MFHAS1: variants seen among roughly 807,000 people sequenced by gnomAD.
MFHAS1 encodes the protein malignant fibrous histiocytoma-amplified sequence 1.
In MFHAS1, 50 loss-of-function variants were observed where a neutral mutation model predicts 70.4. That is an observed-to-expected ratio of 0.71 (90% CI 0.57 to 0.90). The LOEUF (loss-of-function observed/expected upper bound fraction) is 0.90. Among genes scored for constraint, MFHAS1 ranks in the 40% least tolerant of loss-of-function variants. The pLI, the probability that MFHAS1 is intolerant of heterozygous loss-of-function variation, is 0.00. For missense variants in MFHAS1, 1,795 were observed against 1,347.6 expected (o/e 1.33, Z -5.20); for synonymous variants, 952 against 620.0 (o/e 1.54, Z -7.96).
intron 1 of MFHAS1, among the ~76,000 whole-genome samples, chr8:8,838,057 A>C (rs769196251): frequency 1.3e-5 from 2 of 152,242 alleles, no homozygotes; most frequent in African/African-American, 2.4e-5. Flanking sequence ...TGAATGGATA[A>C]ATAAACCGGC....
chr8:8,847,656 C>T (rs915328738), intron 1 of MFHAS1, among the ~76,000 whole-genome samples: 2 of 152,214 alleles, frequency 1.3e-5, no homozygotes, highest in Non-Finnish European at 2.9e-5. Context: ...CTGATGAAGA[C>T]ATCTCATGAC....
intron 1 of MFHAS1, among the ~76,000 whole-genome samples, chr8:8,886,675 T>A (rs957573443): frequency 9.2e-5 from 14 of 152,222 alleles, no homozygotes; most frequent in African/African-American, 3.4e-4. Context: ...ATTTACTATT[T>A]ACTTTTACTG....
intron 1 of MFHAS1, among the ~76,000 whole-genome samples, chr8:8,874,076 T>A (rs1276064759): frequency 6.6e-6 from 1 of 152,156 alleles, no homozygotes; most frequent in Non-Finnish European, 1.5e-5. Context: ...CCCTCGAGGC[T>A]TTTTTTAGGT....
At chr8:8,855,658 C>T (rs1808410962) in intron 1 of MFHAS1, among the ~76,000 whole-genome samples, 2 of 152,078 alleles carry the variant, frequency 1.3e-5, no homozygotes, top group Admixed American at 6.6e-5. Flanking sequence ...AAGTTCAAGA[C>T]CAGCCTGGCC....
At position 8,817,759 on chromosome 8, in the gene MFHAS1, A is replaced by G. The variant is rs141928942; in HGVS notation, c.2999-20268T>C. ...GTTCCACTTCAGATCATTAGGCATTAGATTCTCATAAGGAGTGCACGGATC... is the reference window on the plus strand; with the variant it reads ...GTTCCACTTCAGATCATTAGGCATTGGATTCTCATAAGGAGTGCACGGATC... On this transcript the variant is annotated intron_variant, in intron 1 of 2. Transcript: ENST00000276282. Among the ~76,000 whole-genome samples, 134 of 152,360 alleles carry G rather than the reference A, an allele frequency of 8.8e-4. 1 individual carries two copies. The highest frequency in any genetic ancestry group is 7.3e-3 in the Admixed American group (112 of 15,304).
At chr8:8,828,136 T>C (rs4841051) in intron 1 of MFHAS1, among the ~76,000 whole-genome samples, 78,646 of 151,982 alleles carry the variant, frequency 0.52, 21,035 homozygotes, top group East Asian at 0.85. Flanking sequence ...CCTTCGAGAA[T>C]GTTTCAGTGA....
At chr8:8,818,446 A>G (rs1463005182) in intron 1 of MFHAS1, among the ~76,000 whole-genome samples, 1 of 152,204 alleles carries the variant, frequency 6.6e-6, no homozygotes, top group Non-Finnish European at 1.5e-5. Flanking sequence ...AGAGAAGGAG[A>G]AGGACTGTAA....
chr8:8,889,678 G>T (rs1178646128), intron 1 of MFHAS1, among the ~76,000 whole-genome samples: 1 of 152,212 alleles, frequency 6.6e-6, no homozygotes, highest in African/African-American at 2.4e-5. Context: ...TTTGAGACGT[G>T]TCTAATGAAC....
Position 8,786,053 on chromosome 8 carries a change from T to G in MFHAS1, c.3128A>C (p.Lys1043Thr), listed in dbSNP as rs754839942. The G allele has an allele frequency of 1.2e-6, 2 of 1,614,028 alleles. No individual in the cohort carries two copies. The highest frequency in any genetic ancestry group is 1.7e-6 in the Non-Finnish European group (2 of 1,179,938). Residue 1043 changes from lysine to threonine, a missense_variant and splice_region_variant, in exon 3 of 3, where the codon AAG (lysine) becomes ACG (threonine). Transcript: ENST00000276282. ...TPTVISPCSK[K>T]NVGEKHRNQ ...GTTTCTGTGCTTTTCACCAACATTCTTCCTGTATGGGTGGACAACAAGAAA... is the reference window on the plus strand; with the variant it reads ...GTTTCTGTGCTTTTCACCAACATTCGTCCTGTATGGGTGGACAACAAGAAA...
chr8:8,792,872 G>A (rs963880616), intron 2 of MFHAS1, among the ~76,000 whole-genome samples: 1 of 152,142 alleles, frequency 6.6e-6, no homozygotes, highest in Admixed American at 6.5e-5. Flanking sequence ...CCTTGAGGAG[G>A]CCAGAATTTT....
chr8:8,871,350 G>C lies in MFHAS1; in HGVS notation c.2998+18711C>G, dbSNP rs553781725. Among the ~76,000 whole-genome samples the C allele has an allele frequency of 7.9e-5, 12 of 152,290 alleles. No homozygotes were observed. The South Asian group carries it at 2.5e-3, about 32-fold the overall frequency. ...GGATCACTTGAGGTCGGGAGTTTGA[G>C]ACCACCCTCGCCAACTTGGTGAAAC... On this transcript the variant is annotated intron_variant, in intron 1 of 2. Coordinates refer to ENST00000276282, the MANE Select transcript of MFHAS1 (RefSeq NM_004225.3).
intron 1 of MFHAS1, among the ~76,000 whole-genome samples, chr8:8,882,442 T>G (rs1455196641): frequency 6.6e-6 from 1 of 150,982 alleles, no homozygotes; most frequent in Non-Finnish European, 1.5e-5. Flanking sequence ...AAAAAAGCAC[T>G]TGCCAGGCAT....
chr8:8,854,686 A>G (rs1308300330), intron 1 of MFHAS1, among the ~76,000 whole-genome samples: 1 of 19,226 alleles, frequency 5.2e-5, no homozygotes, highest in Non-Finnish European at 7.7e-5. Flanking sequence ...CTTTGTCTCA[A>G]AAAAAAAAAA....
intron 1 of MFHAS1, among the ~76,000 whole-genome samples, chr8:8,863,716 A>C (rs911932322): frequency 2.0e-5 from 3 of 152,174 alleles, no homozygotes; most frequent in African/African-American, 7.2e-5. Flanking sequence ...TTTCACTAAG[A>C]GTCTGGCCCT....
chr8:8,830,846 C>T (rs1045275382), intron 1 of MFHAS1, among the ~76,000 whole-genome samples: 1 of 152,206 alleles, frequency 6.6e-6, no homozygotes, highest in Non-Finnish European at 1.5e-5. Context: ...ATCCGCCCAC[C>T]TCGGCCTCCC....
intron 1 of MFHAS1, among the ~76,000 whole-genome samples, chr8:8,874,375 T>C (rs544654307): frequency 2.0e-3 from 279 of 140,960 alleles, no homozygotes; most frequent in Middle Eastern, 7.8e-3. Context: ...CACACACACA[T>C]AATAATCTTC....
At chr8:8,809,810 A>C (rs1304621188) in intron 1 of MFHAS1, among the ~76,000 whole-genome samples, 3 of 152,190 alleles carry the variant, frequency 2.0e-5, no homozygotes, top group Non-Finnish European at 4.4e-5. Context: ...TGCTGCACTG[A>C]AGTGCTTTCA....
At chr8:8,833,171 G>A (rs564899763) in intron 1 of MFHAS1, among the ~76,000 whole-genome samples, 2 of 152,124 alleles carry the variant, frequency 1.3e-5, no homozygotes, top group Non-Finnish European at 2.9e-5. Context: ...GGGGACTGGT[G>A]CTACACCATT....
Position 8,828,654 on chromosome 8 carries a change from TGAA to T in MFHAS1, c.2999-31166_2999-31164del, listed in dbSNP as rs1807252904. On this transcript the variant is annotated intron_variant, in intron 1 of 2. Coordinates refer to ENST00000276282, the MANE Select transcript of MFHAS1 (RefSeq NM_004225.3). ...TAAGGGCATTTAAAACAATATCACA[TGAA>T]GAAGGAATAACTGGAGATGCCCACT... is the stretch of plus-strand genomic sequence containing the variant. Among the ~76,000 whole-genome samples the T allele has an allele frequency of 2.6e-5, 4 of 152,280 alleles. No individual in the cohort carries two copies. In the South Asian group the frequency reaches 8.3e-4, roughly 32 times the overall value.
Sources: allele counts gnomAD v4.1 joint callset (sites outside exome capture counted in the v4.1 genomes callset), GRCh38; gene constraint gnomAD v4.1.1; transcripts MANE v1.5; gene names NCBI Gene and HGNC (gene_info 2026-07-23, HGNC 2026-07-21).